ABCA12: variants seen among roughly 807,000 people sequenced by gnomAD.
ABCA12 encodes the protein glucosylceramide transporter ABCA12.
Under a neutral mutation model 293.5 loss-of-function variants are expected in ABCA12, and 156 were observed. That is an observed-to-expected ratio of 0.53 (90% CI 0.47 to 0.61). The LOEUF is 0.61. Among genes scored for constraint, ABCA12 ranks in the 20% least tolerant of loss-of-function variants. ABCA12 has a pLI of 0.00. For synonymous variants in ABCA12, 1,063 were observed against 1,108.0 expected (o/e 0.96, Z 0.81); for missense variants, 2,797 against 3,090.2 (o/e 0.91, Z 2.25).
intron 14 of ABCA12, among the ~76,000 whole-genome samples, chr2:215,017,326 A>G (rs942097617): frequency 1.8e-4 from 27 of 152,328 alleles, no homozygotes; most frequent in Middle Eastern, 3.4e-3. Context: ...AGAATAAAAG[A>G]TAAGACATTT....
At chr2:215,118,962 T>C (rs1230716933) in intron 1 of ABCA12, among the ~76,000 whole-genome samples, 1 of 152,106 alleles carries the variant, frequency 6.6e-6, no homozygotes, top group Non-Finnish European at 1.5e-5. Flanking sequence ...AGGTTATCTG[T>C]TTCCTCTATT....
chr2:215,100,018 T>G (rs2970960), intron 2 of ABCA12, among the ~76,000 whole-genome samples: 1 of 118,596 alleles, frequency 8.4e-6, no homozygotes, highest in Non-Finnish European at 1.7e-5. Context: ...CTCTCTCTCT[T>G]TTTTTTTTTT....
At chr2:215,122,236 T>C (rs1325475695) in intron 1 of ABCA12, among the ~76,000 whole-genome samples, 1 of 152,168 alleles carries the variant, frequency 6.6e-6, no homozygotes, top group Non-Finnish European at 1.5e-5. Flanking sequence ...GCATGTCTAC[T>C]ATGTGGCAGG....
At chr2:214,976,903 C>G (rs930819574) in intron 33 of ABCA12, among the ~76,000 whole-genome samples, 3 of 152,184 alleles carry the variant, frequency 2.0e-5, no homozygotes, top group Non-Finnish European at 4.4e-5. Flanking sequence ...CCTGCCACCA[C>G]GCACACCTTC....
At chr2:215,125,023 C>G (rs1702892921) in intron 1 of ABCA12, among the ~76,000 whole-genome samples, 1 of 152,172 alleles carries the variant, frequency 6.6e-6, no homozygotes, top group Non-Finnish European at 1.5e-5. Context: ...CTACATGTGG[C>G]TAGCCAATTA....
At chr2:215,121,521 G>C (rs1241556211) in intron 1 of ABCA12, among the ~76,000 whole-genome samples, 1 of 152,154 alleles carries the variant, frequency 6.6e-6, no homozygotes. Flanking sequence ...TGCGAAGTAA[G>C]AGCTTGGTAC....
intron 52 of ABCA12, 61 bp downstream of exon 52, chr2:214,934,017 C>A: frequency 6.5e-7 from 1 of 1,527,790 alleles, no homozygotes. Context: ...AAGAAATAAC[C>A]AGAATGAATA....
At chr2:214,972,347 G>T (rs1699403944) in intron 36 of ABCA12, among the ~76,000 whole-genome samples, 1 of 152,084 alleles carries the variant, frequency 6.6e-6, no homozygotes, top group Non-Finnish European at 1.5e-5. Context: ...TAGATTTAGG[G>T]ATGTTAATTA....
At position 215,000,805 on chromosome 2, in the gene ABCA12, T is replaced by C. The variant is rs1320741554; in HGVS notation, c.3079A>G (p.Ser1027Gly). ...YGRAFIYLQDSIERAIIELQT... is the reference protein window; with the variant it reads ...YGRAFIYLQDGIERAIIELQT... Reference sequence around the variant, plus strand: ...AATTCAATGATTGCTCTTTCAATACTATCCTGTAAATAAATAAAAGCCCTG... The same window carrying C: ...AATTCAATGATTGCTCTTTCAATACCATCCTGTAAATAAATAAAAGCCCTG... The change falls in exon 22 of 53, where the codon AGT (serine) becomes GGT (glycine). Residue 1027 changes from serine to glycine, a missense_variant. Physicochemically the swap from Ser to Gly is moderately conservative, Grantham distance 56. Around this residue, in one of 3 missense-constraint regions of ABCA12, gnomAD observed 2,130 missense variants for 2,427.0 expected, o/e 0.88. Coordinates refer to ENST00000272895, the MANE Select transcript of ABCA12 (RefSeq NM_173076.3). 4 of 1,614,172 alleles carry C rather than the reference T, an allele frequency of 2.5e-6. No individual in the cohort carries two copies. The highest frequency in any genetic ancestry group is 1.1e-5 in the South Asian group (1 of 91,084).
At chr2:215,002,077 C>G (rs563045527) in intron 20 of ABCA12, among the ~76,000 whole-genome samples, 4 of 152,050 alleles carry the variant, frequency 2.6e-5, no homozygotes, top group Non-Finnish European at 5.9e-5. Flanking sequence ...AAACTATAAA[C>G]CAGAGATGTG....
chr2:214,958,313 C>A lies in ABCA12; in HGVS notation c.6081G>T (p.Val2027=), dbSNP rs751678145. ...KQLQHISGIG[V]TCYWVTNFIY... ...TGAAGTTTGTTACCCAGTAGCATGT[C>A]ACGCCAATGCCTGAAATGTGCTGCA... The change falls in exon 41 of 53, where the codon GTG becomes GTT. Residue 2027 remains valine, a synonymous_variant. Coordinates refer to ENST00000272895, the MANE Select transcript of ABCA12 (RefSeq NM_173076.3). 1 of 1,614,014 alleles carries A rather than the reference C, an allele frequency of 6.2e-7. No homozygotes were observed. Among genetic ancestry groups the A allele is most frequent in the South Asian group, 1.1e-5 (1 of 91,088 alleles).
chr2:214,980,320 A>ATTCC (rs778404272), intron 31 of ABCA12, among the ~76,000 whole-genome samples, 163 bp downstream of exon 31: 1 of 152,234 alleles, frequency 6.6e-6, no homozygotes, highest in African/African-American at 2.4e-5. Context: ...TCTGGGTTTT[A>ATTCC]GTCAAGACCT....
intron 34 of ABCA12, 108 bp from the exon 35 acceptor site, chr2:214,974,972 T>C: frequency 1.9e-6 from 2 of 1,049,854 alleles, no homozygotes; most frequent in Admixed American, 3.8e-5. Context: ...GGTTTTCTTT[T>C]TCTTTTTTGA....
rs138027412 is a variant in ABCA12, at chr2:215,112,410, C to T, written c.70-720G>A. 6.3e-3 allele frequency among the ~76,000 whole-genome samples: 941 copies of T among 148,456 alleles called. 11 individuals are homozygous for T. Among genetic ancestry groups the T allele is most frequent in the African/African-American group, 0.022 (889 of 40,066 alleles). ...TGGTAGGGGCAGTGTCTTATTGATA[C>T]CTAAATTTCCACCACTCGATGAAAA... On this transcript the variant is annotated intron_variant, in intron 1 of 52. Coordinates refer to ENST00000272895, the MANE Select transcript of ABCA12 (RefSeq NM_173076.3).
chr2:215,109,946 A>T (rs961407089), intron 2 of ABCA12, among the ~76,000 whole-genome samples: 7 of 152,324 alleles, frequency 4.6e-5, no homozygotes, highest in African/African-American at 1.2e-4. Context: ...TTAAACCAGA[A>T]TATTTAAGAG....
At chr2:214,941,253 T>C (rs1349924506) in intron 50 of ABCA12, among the ~76,000 whole-genome samples, 1 of 152,222 alleles carries the variant, frequency 6.6e-6, no homozygotes, top group African/African-American at 2.4e-5. Flanking sequence ...GGTTGTTCAG[T>C]TTCCATGTAG....
intron 1 of ABCA12, among the ~76,000 whole-genome samples, chr2:215,127,276 G>A (rs2105913820): frequency 6.6e-6 from 1 of 152,194 alleles, no homozygotes; most frequent in South Asian, 2.1e-4. Context: ...AGCCATTGTT[G>A]GATGAAATGT....
At chr2:214,935,443 G>A (rs531573378) in intron 51 of ABCA12, among the ~76,000 whole-genome samples, 202 of 152,266 alleles carry the variant, frequency 1.3e-3, no homozygotes, top group African/African-American at 4.4e-3. Flanking sequence ...CAAGAAAGAT[G>A]TCCTTTTACT....
chr2:215,135,793 C>T (rs545210412), intron 1 of ABCA12, among the ~76,000 whole-genome samples: 19 of 152,120 alleles, frequency 1.2e-4, no homozygotes, highest in African/African-American at 4.6e-4. Context: ...AACTTTCCAA[C>T]CTCTTATTCC....
Sources: allele counts gnomAD v4.1 joint callset (sites outside exome capture counted in the v4.1 genomes callset), GRCh38; gene constraint gnomAD v4.1.1; regional missense constraint gnomAD v4.1.1; transcripts MANE v1.5; gene names NCBI Gene and HGNC (gene_info 2026-07-23, HGNC 2026-07-21).